NEB: variants seen among roughly 807,000 people sequenced by gnomAD.
The protein encoded by NEB is nemaline myopathy type 2.
A neutral mutation model predicts 952.2 loss-of-function variants in NEB; 512 were observed. The ratio of observed to expected loss-of-function variants is 0.54; its 90% confidence interval spans 0.50 to 0.58. The LOEUF (loss-of-function observed/expected upper bound fraction) is 0.58. Among genes scored for constraint, NEB ranks in the 20% least tolerant of loss-of-function variants. NEB has a pLI of 0.00. For missense variants in NEB, 8,428 were observed against 9,231.1 expected, an observed-to-expected ratio of 0.91 and a Z score of 3.56; for synonymous variants, 2,900 against 3,149.8, an observed-to-expected ratio of 0.92 and a Z score of 2.66.
At chr2:151,623,397 T>C (rs1318774234) in intron 71 of NEB, among the ~76,000 whole-genome samples, 1 of 152,164 alleles carries the variant, frequency 6.6e-6, no homozygotes, top group African/African-American at 2.4e-5. Flanking sequence ...GCTGAGCCTG[T>C]GTAAAGACAA....
rs893276122 is a variant in NEB at position 151,733,234 on chromosome 2, A to G, written c.-29-49T>C. 6.4e-6 allele frequency: 8 copies of G among 1,247,794 alleles called. No individual in the cohort carries two copies. In the Admixed American group the frequency reaches 1.5e-4, roughly 23 times the overall value. The allele number at this position is 1,247,794 out of a possible 1,614,324, so 77.3% of individuals were successfully genotyped here. The stretch of plus-strand genomic sequence containing the variant: ...AAACATATTAGAGTCTATTCCCAGC[A>G]CAGAAATTATCTTATGACATTATAA... On this transcript the variant is annotated intron_variant, in intron 2 of 181. Transcript: ENST00000397345.
chr2:151,562,530 C>T, intron 120 of NEB, 81 bp downstream of exon 120: 5 of 1,324,750 alleles, frequency 3.8e-6, no homozygotes, highest in Non-Finnish European at 5.1e-6. Flanking sequence ...ACAACGGGAG[C>T]ATGGCAGCCA....
rs572099716 is a variant in NEB at position 151,563,850 on chromosome 2, G to C, written c.18552C>G (p.Ala6184=). 1.2e-6 allele frequency: 2 copies of C among 1,613,194 alleles called. No individual in the cohort carries two copies. Among genetic ancestry groups the C allele is most frequent in the Admixed American group, 3.3e-5 (2 of 59,880 alleles). The change falls in exon 118 of 182, where the codon GCC becomes GCG. Residue 6184 remains alanine (A), a synonymous_variant. Coordinates refer to ENST00000397345, the MANE Select transcript of NEB (RefSeq NM_001164508.2). The part of the protein sequence containing the change: ...LDERYIPIVG[A]KHADLVNSEL... ...CACTGTTCACCAGATCAGCATGCTT[G>C]GCTCCAACAATGGGAATGTAGCGCT...
chr2:151,496,907 A>C, intron 172 of NEB, 34 bp downstream of exon 172: 1 of 1,505,176 alleles, frequency 6.6e-7, no homozygotes, highest in Non-Finnish European at 9.0e-7. Flanking sequence ...TTTTAAAATC[A>C]GTAAGTAGTT....
Position 151,656,273 on chromosome 2 carries a change from T to G in NEB, c.6375A>C (p.Ala2125=). Residue 2125 remains alanine, a synonymous_variant, in exon 49 of 182, where the codon GCA becomes GCC. Transcript: ENST00000397345. ...TPADMLSVTA[A]KDAQANITNT... Reference sequence around the variant, plus strand: ...TGGTGATGTTGGCTTGGGCATCCTTTGCAGCCGTGACACTGAGCATGTCGG... The same window carrying G: ...TGGTGATGTTGGCTTGGGCATCCTTGGCAGCCGTGACACTGAGCATGTCGG... 6.2e-7 allele frequency: 1 copy of G among 1,613,702 alleles called. No individual in the cohort carries two copies. Among genetic ancestry groups the G allele is most frequent in the Non-Finnish European group, 8.5e-7 (1 of 1,179,738 alleles).
rs2098007899 is a variant in NEB, at chr2:151,612,235, T to C, written c.11756A>G (p.Asp3919Gly). The change falls in exon 78 of 182, where the codon GAC becomes GGC. Residue 3919 changes from aspartate to glycine, a missense_variant. Asp to Gly is a moderately conservative substitution (Grantham distance 94). Coordinates refer to ENST00000397345, the MANE Select transcript of NEB (RefSeq NM_001164508.2). ...CTTTGCTAGGACAATTTCCGGAGTGTCGGTAATGCATGTGAATTTGAGCTG... is the reference window on the plus strand; with the variant it reads ...CTTTGCTAGGACAATTTCCGGAGTGCCGGTAATGCATGTGAATTTGAGCTG... ...ADQLKFTCITDTPEIVLAKNN... is the reference protein window; with the variant it reads ...ADQLKFTCITGTPEIVLAKNN... The C allele has an allele frequency of 1.9e-6, 3 of 1,613,842 alleles. No individual in the cohort carries two copies. The African/African-American group carries it at 4.0e-5, about 22-fold the overall frequency.
intron 71 of NEB, among the ~76,000 whole-genome samples, chr2:151,622,790 T>C (rs766306323): frequency 2.1e-4 from 32 of 152,322 alleles, no homozygotes; most frequent in Middle Eastern, 6.8e-3. Context: ...CTATCAAATA[T>C]ACGGTGAATA....
chr2:151,654,693 C>T (rs144637168), intron 51 of NEB, among the ~76,000 whole-genome samples: 5 of 152,240 alleles, frequency 3.3e-5, no homozygotes, highest in Middle Eastern at 3.4e-3. Flanking sequence ...CCCATTTAGT[C>T]CTCATGGCAA....
At chr2:151,549,528 G>C (rs1201015654) in intron 130 of NEB, 108 bp downstream of exon 130, 1 of 766,704 alleles carries the variant, frequency 1.3e-6, no homozygotes, top group Non-Finnish European at 2.3e-6. Flanking sequence ...CATTCTATCA[G>C]GTTGAACCTT....
chr2:151,627,360 T>C (rs1385499283), intron 69 of NEB, among the ~76,000 whole-genome samples, 155 bp from the exon 70 acceptor site: 1 of 152,224 alleles, frequency 6.6e-6, no homozygotes, highest in Non-Finnish European at 1.5e-5. Context: ...CAGGTATTAC[T>C]TTCTTTCTCT....
At chr2:151,656,578 T>A in intron 48 of NEB, 114 bp from the exon 49 acceptor site, 1 of 523,170 alleles carries the variant, frequency 1.9e-6, no homozygotes, top group Non-Finnish European at 2.7e-6. Flanking sequence ...AAAAATTATA[T>A]TTGTATAGAG....
At position 151,644,245 on chromosome 2, in the gene NEB, CTT is replaced by C. The variant is rs1252062477; in HGVS notation, c.7645-118_7645-117del. 2.1e-6 allele frequency: 3 copies of C among 1,396,100 alleles called. No homozygotes were observed. In the African/African-American group the frequency reaches 4.3e-5, roughly 20 times the overall value. The allele number at this position is 1,396,100 out of a possible 1,614,324, so 86.5% of individuals were successfully genotyped here. On this transcript the variant is annotated intron_variant, in intron 56 of 181. Coordinates refer to ENST00000397345, the MANE Select transcript of NEB (RefSeq NM_001164508.2). ...TTTACTAAGCCTAGAGAGCCAAAGACTTCAGTCTTTTGATAAGAAAGATTAAA... is the reference window on the plus strand; with the variant it reads ...TTTACTAAGCCTAGAGAGCCAAAGACCAGTCTTTTGATAAGAAAGATTAAA...
intron 28 of NEB, among the ~76,000 whole-genome samples, chr2:151,683,472 G>C (rs879076262): frequency 2.0e-5 from 3 of 152,096 alleles, no homozygotes; most frequent in Admixed American, 2.0e-4. Context: ...TTTACTCTGG[G>C]CATTTTAAGT....
chr2:151,566,800 T>G (rs1305368075), intron 114 of NEB, among the ~76,000 whole-genome samples: 2 of 152,228 alleles, frequency 1.3e-5, no homozygotes, highest in African/African-American at 4.8e-5. Flanking sequence ...TTAACTGTGC[T>G]ATCATCTAAT....
intron 146 of NEB, among the ~76,000 whole-genome samples, chr2:151,528,911 A>C (rs139770898): frequency 7.9e-5 from 12 of 152,326 alleles, no homozygotes; most frequent in African/African-American, 1.9e-4. Context: ...GCACTTTCCA[A>C]AAATGCAACC....
At chr2:151,627,946 G>A in intron 68 of NEB, 112 bp from the exon 69 acceptor site, 1 of 1,337,332 alleles carries the variant, frequency 7.5e-7, no homozygotes, top group East Asian at 2.5e-5. Context: ...AGTAATGAAA[G>A]AATCTGCATA....
intron 107 of NEB, among the ~76,000 whole-genome samples, 160 bp downstream of exon 107, chr2:151,575,535 C>G (rs923043022): frequency 4.6e-5 from 7 of 152,224 alleles, no homozygotes; most frequent in Admixed American, 6.5e-5. Flanking sequence ...CACCAGGGAT[C>G]TCCTCCTTGC....
At chr2:151,701,644 T>A (rs2149563235) in intron 13 of NEB, among the ~76,000 whole-genome samples, 1 of 151,810 alleles carries the variant, frequency 6.6e-6, no homozygotes, top group South Asian at 2.1e-4. Flanking sequence ...TTTTCTAGTT[T>A]ATTTGCGTAG....
intron 114 of NEB, among the ~76,000 whole-genome samples, chr2:151,566,667 G>A (rs1188677172): frequency 6.6e-6 from 1 of 152,156 alleles, no homozygotes; most frequent in East Asian, 1.9e-4. Context: ...CTCTGCATGA[G>A]GCATACTGGG....
Sources: gnomAD v4.1 joint callset for allele counts (sites outside exome capture counted in the v4.1 genomes callset) on GRCh38, gnomAD v4.1.1 for gene constraint, MANE v1.5 for transcripts, NCBI Gene and HGNC (gene_info 2026-07-23, HGNC 2026-07-21) for gene names.